ADAMTSL1: variants seen among roughly 807,000 people sequenced by gnomAD.
ADAMTSL1 encodes ADAMTS-like protein 1.
Under a neutral mutation model 201.8 loss-of-function variants are expected in ADAMTSL1, and 126 were observed. The observed-to-expected ratio is 0.62, with a 90% CI of 0.54 to 0.72. ADAMTSL1 has a LOEUF of 0.72. Among genes scored for constraint, ADAMTSL1 ranks in the 30% least tolerant of loss-of-function variants. The probability of loss-of-function intolerance (pLI) is 0.00; values close to 1 mark genes in which losing one functional copy is unlikely to be tolerated. For missense variants in ADAMTSL1, 2,679 were observed against 2,277.8 expected, an observed-to-expected ratio of 1.18 and a Z score of -3.59; for synonymous variants, 1,121 against 903.4, an observed-to-expected ratio of 1.24 and a Z score of -4.32.
intron 23 of ADAMTSL1, among the ~76,000 whole-genome samples, chr9:18,867,455 C>A (rs1173830551): frequency 6.6e-6 from 1 of 152,072 alleles, no homozygotes; most frequent in Non-Finnish European, 1.5e-5. Flanking sequence ...ATGTGTTTTT[C>A]TTTTTATTAT....
rs555362080 is a variant in ADAMTSL1, at chr9:18,401,578, A to T, written c.208-103251A>T. Among the ~76,000 whole-genome samples the T allele has an allele frequency of 2.0e-5, 3 of 152,304 alleles. No homozygotes were observed. The East Asian group carries it at 5.8e-4, about 29-fold the overall frequency. On this transcript the variant is annotated intron_variant, in intron 2 of 29. Coordinates refer to the ADAMTSL1 transcript ENST00000680146. ...TTAACATCTGTAAAGTAGGAAAGTGAGTTAAGGAACTAGGACCACTGGGGT... is the reference window on the plus strand; with the variant it reads ...TTAACATCTGTAAAGTAGGAAAGTGTGTTAAGGAACTAGGACCACTGGGGT...
At chr9:18,902,385 A>G (rs1830063513) in intron 26 of ADAMTSL1, among the ~76,000 whole-genome samples, 1 of 152,252 alleles carries the variant, frequency 6.6e-6, no homozygotes, top group African/African-American at 2.4e-5. Context: ...AATACAGTTC[A>G]TAAGAATGAA....
At chr9:18,138,794 T>C (rs1162608287) in intron 1 of ADAMTSL1, among the ~76,000 whole-genome samples, 2 of 152,002 alleles carry the variant, frequency 1.3e-5, no homozygotes, top group Non-Finnish European at 2.9e-5. Context: ...TTATTTAGCT[T>C]CAAGTAGATC....
intron 20 of ADAMTSL1, among the ~76,000 whole-genome samples, chr9:18,801,127 G>A (rs1822771581): frequency 6.6e-6 from 1 of 152,142 alleles, no homozygotes; most frequent in African/African-American, 2.4e-5. Flanking sequence ...TTATGCTGAA[G>A]GCGTGCCAAC....
chr9:18,026,795 T>C (rs777952846), intron 1 of ADAMTSL1, among the ~76,000 whole-genome samples: 2 of 152,248 alleles, frequency 1.3e-5, no homozygotes, highest in Non-Finnish European at 2.9e-5. Flanking sequence ...AGCTCTTCTT[T>C]GAACATCTGG....
chr9:17,927,972 T>TTTATC (rs1826620254), intron 1 of ADAMTSL1, among the ~76,000 whole-genome samples: 1 of 151,780 alleles, frequency 6.6e-6, no homozygotes, highest in South Asian at 2.1e-4. Context: ...TGTGTGGTTC[T>TTTATC]TTTTCTTTTC....
chr9:18,388,217 T>C (rs1837884225), intron 2 of ADAMTSL1, among the ~76,000 whole-genome samples: 1 of 151,978 alleles, frequency 6.6e-6, no homozygotes. Context: ...GTAAATTTAG[T>C]CTTTTATACT....
At chr9:18,882,606 A>C (rs1828601075) in intron 23 of ADAMTSL1, among the ~76,000 whole-genome samples, 1 of 152,100 alleles carries the variant, frequency 6.6e-6, no homozygotes. Context: ...TCAGAACAGG[A>C]GTGCAGTGAC....
intron 1 of ADAMTSL1, among the ~76,000 whole-genome samples, chr9:17,940,751 C>T (rs1271616445): frequency 7.2e-6 from 1 of 138,372 alleles, no homozygotes; most frequent in Non-Finnish European, 1.6e-5. Flanking sequence ...AAAAATGAGA[C>T]CCTAACTCGA....
chr9:18,163,676 C>T (rs560701610), intron 1 of ADAMTSL1, among the ~76,000 whole-genome samples: 33 of 151,962 alleles, frequency 2.2e-4, no homozygotes, highest in Non-Finnish European at 3.5e-4. Context: ...TTCCTGGTAT[C>T]CATTGGAGGA....
chr9:18,593,015 A>G (rs117204544), intron 4 of ADAMTSL1, among the ~76,000 whole-genome samples: 15,049 of 151,922 alleles, frequency 0.099, 855 homozygotes, highest in Middle Eastern at 0.17. Context: ...TCTTTTTCAG[A>G]TTGTTCATTT....
intron 1 of ADAMTSL1, among the ~76,000 whole-genome samples, chr9:18,027,430 A>T (rs1292295066): frequency 6.9e-6 from 1 of 145,694 alleles, no homozygotes; most frequent in East Asian, 1.9e-4. Flanking sequence ...TTTATTTCAA[A>T]GATTTTTTTT....
chr9:18,733,634 C>G (rs76830784), intron 15 of ADAMTSL1, among the ~76,000 whole-genome samples: 34 of 146,494 alleles, frequency 2.3e-4, no homozygotes, highest in Non-Finnish European at 4.5e-4. Context: ...CCACTCCCCC[C>G]ACACACACAC....
chr9:18,192,530 C>G (rs1418519025), intron 2 of ADAMTSL1, among the ~76,000 whole-genome samples: 2 of 152,074 alleles, frequency 1.3e-5, no homozygotes, highest in Admixed American at 6.6e-5. Flanking sequence ...ATTTAATTGT[C>G]AAAATGGCTT....
intron 26 of ADAMTSL1, among the ~76,000 whole-genome samples, chr9:18,902,668 CA>C (rs1830077857): frequency 6.6e-6 from 1 of 152,080 alleles, no homozygotes; most frequent in Non-Finnish European, 1.5e-5. Flanking sequence ...TTCAAATCAA[CA>C]ACTTAACTTC....
intron 2 of ADAMTSL1, among the ~76,000 whole-genome samples, chr9:18,378,113 C>A (rs1285088236): frequency 6.6e-6 from 1 of 152,064 alleles, no homozygotes; most frequent in Non-Finnish European, 1.5e-5. Context: ...AAAAGGGTGG[C>A]GAGAGGAGGA....
rs545944657 is a variant in ADAMTSL1 at position 18,105,757 on chromosome 9, A to G, written c.88-58105A>G. 2.5e-4 allele frequency among the ~76,000 whole-genome samples: 38 copies of G among 152,358 alleles called. No homozygotes were observed. In the South Asian group the frequency reaches 6.6e-3, roughly 27 times the overall value. On this transcript the variant is annotated intron_variant, in intron 1 of 29. Coordinates refer to the ADAMTSL1 transcript ENST00000680146. ...AGAATGTATACATAGACATACTTCT[A>G]TTTAACTTAGTTACATCTTATATTG...
At position 18,190,851 on chromosome 9, in the gene ADAMTSL1, C is replaced by A. The variant is rs931410005; in HGVS notation, c.207+26870C>A. The stretch of plus-strand genomic sequence containing the variant: ...GGAAAGACCAGTTCTGACCACCCAC[C>A]AATAAGTGGCGCTATGTCTTTGCCA... On this transcript the variant is annotated intron_variant, in intron 2 of 29. Coordinates refer to the ADAMTSL1 transcript ENST00000680146. Among the ~76,000 whole-genome samples, 26 of 152,098 alleles carry A rather than the reference C, an allele frequency of 1.7e-4. 1 individual carries two copies. The highest frequency in any genetic ancestry group is 1.7e-3 in the Admixed American group (26 of 15,272).
rs1554667539 is a variant in ADAMTSL1 at position 17,940,807 on chromosome 9, C to CCA, written c.87+33886_87+33887insAC. Among the ~76,000 whole-genome samples, 9 of 61,962 alleles carry CCA rather than the reference C, an allele frequency of 1.5e-4. 2 individuals carry two copies. Among genetic ancestry groups the CCA allele is most frequent in the East Asian group, 2.2e-3 (1 of 446 alleles). The allele number at this position is 61,962 out of a possible 152,430, so 40.6% of individuals were successfully genotyped here. ...TAAAAATAAAAGTAAATAACACCCC[C>CCA]CCCCCAAAAAAAAGAAAGAAATAAC... is the stretch of plus-strand genomic sequence containing the variant. On this transcript the variant is annotated intron_variant, in intron 1 of 29. Coordinates refer to the ADAMTSL1 transcript ENST00000680146.
Sources: gnomAD v4.1 joint callset for allele counts (sites outside exome capture counted in the v4.1 genomes callset) on GRCh38, gnomAD v4.1.1 for gene constraint, MANE v1.5 for transcripts, NCBI Gene and HGNC (gene_info 2026-07-23, HGNC 2026-07-21) for gene names.